The following TMEM132B variants were observed in gnomAD, a reference collection of about 807,000 sequenced individuals.
The protein encoded by TMEM132B is transmembrane protein 132B.
In TMEM132B, 18 loss-of-function variants were observed where a neutral mutation model predicts 90.8. The ratio of observed to expected loss-of-function variants is 0.20; its 90% confidence interval spans 0.14 to 0.29. The LOEUF is 0.29. TMEM132B is among the 10% of genes least tolerant of loss of function. The pLI, the probability that TMEM132B is intolerant of heterozygous loss-of-function variation, is 1.00. For synonymous variants in TMEM132B, 504 were observed against 523.3 expected, an observed-to-expected ratio of 0.96 and a Z score of 0.50; for missense variants, 1,096 against 1,326.8, an observed-to-expected ratio of 0.83 and a Z score of 2.70.
chr12:125,290,859 A>G (rs1045589825), intron 1 of TMEM132B, among the ~76,000 whole-genome samples: 1 of 152,208 alleles, frequency 6.6e-6, no homozygotes, highest in Non-Finnish European at 1.5e-5. Context: ...TATGGTAGAC[A>G]GAATTGAAGG....
intron 3 of TMEM132B, among the ~76,000 whole-genome samples, chr12:125,469,016 C>T (rs1881643752): frequency 6.6e-6 from 1 of 152,174 alleles, no homozygotes; most frequent in Admixed American, 6.5e-5. Flanking sequence ...AATCATATTA[C>T]CTGTGAACAG....
At chr12:125,611,781 T>C (rs1382275477) in intron 5 of TMEM132B, among the ~76,000 whole-genome samples, 1 of 152,180 alleles carries the variant, frequency 6.6e-6, no homozygotes, top group East Asian at 1.9e-4. Context: ...ATTGGTATGA[T>C]TTTAACTTAT....
At chr12:125,508,658 T>C (rs1256234512) in intron 3 of TMEM132B, among the ~76,000 whole-genome samples, 1 of 152,152 alleles carries the variant, frequency 6.6e-6, no homozygotes, top group African/African-American at 2.4e-5. Context: ...CCCCACTTAA[T>C]GAGGCCCTTC....
intron 2 of TMEM132B, among the ~76,000 whole-genome samples, chr12:125,359,894 A>G (rs1469319917): frequency 1.3e-5 from 2 of 152,206 alleles, no homozygotes; most frequent in Non-Finnish European, 2.9e-5. Context: ...CCTGGCCAAC[A>G]TGGTGAAACC....
At chr12:125,391,389 A>T (rs1119207) in intron 2 of TMEM132B, among the ~76,000 whole-genome samples, 3 of 152,224 alleles carry the variant, frequency 2.0e-5, no homozygotes, top group Non-Finnish European at 4.4e-5. Flanking sequence ...GTTAGTTGCC[A>T]GCTTTCCATA....
At position 125,213,865 on chromosome 12, in the gene TMEM132B, GC is replaced by G. The variant is rs1873376426; in HGVS notation, c.67+27001del. ...TTACAAAAATGGCAGATGCTAGGTT[GC>G]CACCAAATCTGTCTTTAGGATAACT... On this transcript the variant is annotated intron_variant, in intron 1 of 8. Transcript: ENST00000682704. The surrounding 1 kb of genome is among the most constrained non-coding windows in gnomAD (Gnocchi z 4.2). Among the ~76,000 whole-genome samples, 1 of 152,232 alleles carries G rather than the reference GC, an allele frequency of 6.6e-6. No homozygotes were observed. The highest frequency in any genetic ancestry group is 6.5e-5 in the Admixed American group (1 of 15,286).
At chr12:125,260,959 A>G (rs1292061912) in intron 1 of TMEM132B, among the ~76,000 whole-genome samples, 1 of 145,262 alleles carries the variant, frequency 6.9e-6, no homozygotes, top group Non-Finnish European at 1.5e-5. Context: ...TGATTAATAC[A>G]AAATAATTTC....
intron 1 of TMEM132B, among the ~76,000 whole-genome samples, chr12:125,233,555 C>G (rs1477864920): frequency 1.3e-5 from 2 of 152,200 alleles, no homozygotes; most frequent in Non-Finnish European, 2.9e-5. Context: ...TCAATGGCCA[C>G]GCTTAGCTGC....
chr12:125,568,776 TTGAG>T (rs1884721843), intron 4 of TMEM132B, among the ~76,000 whole-genome samples: 1 of 152,210 alleles, frequency 6.6e-6, no homozygotes, highest in Non-Finnish European at 1.5e-5. Context: ...TGGTCATGAT[TTGAG>T]TGACCACATT....
intron 1 of TMEM132B, among the ~76,000 whole-genome samples, chr12:125,300,106 C>T (rs565106694): frequency 3.3e-5 from 5 of 152,356 alleles, no homozygotes; most frequent in South Asian, 4.1e-4. Flanking sequence ...TACCTCCAGG[C>T]CTGCTCTCTC....
intron 1 of TMEM132B, among the ~76,000 whole-genome samples, chr12:125,303,522 G>T (rs1178613520): frequency 5.3e-5 from 8 of 152,150 alleles, no homozygotes; most frequent in Admixed American, 4.6e-4. Flanking sequence ...TTGCTGGATC[G>T]TATGGTAATT....
At chr12:125,238,635 G>A (rs1374726315) in intron 1 of TMEM132B, among the ~76,000 whole-genome samples, 2 of 152,210 alleles carry the variant, frequency 1.3e-5, no homozygotes, top group South Asian at 4.1e-4. Flanking sequence ...GGAAAGCTCC[G>A]AAGGCCAGAG....
At chr12:125,376,677 A>G (rs1593112120) in intron 2 of TMEM132B, among the ~76,000 whole-genome samples, 1 of 152,286 alleles carries the variant, frequency 6.6e-6, no homozygotes, top group East Asian at 1.9e-4. Context: ...TCCCAGGTTG[A>G]GGGAGGGGTA....
At chr12:125,568,847 T>C (rs573121838) in intron 4 of TMEM132B, among the ~76,000 whole-genome samples, 59 of 152,240 alleles carry the variant, frequency 3.9e-4, no homozygotes, top group Non-Finnish European at 7.1e-4. Flanking sequence ...CAAAATTTAC[T>C]ATGACGTGGT....
chr12:125,372,023 T>A (rs1299384933), intron 2 of TMEM132B, among the ~76,000 whole-genome samples: 1 of 152,230 alleles, frequency 6.6e-6, no homozygotes, highest in Middle Eastern at 3.2e-3. Flanking sequence ...GCAAATGCAT[T>A]GTGCCAACTG....
intron 2 of TMEM132B, among the ~76,000 whole-genome samples, chr12:125,379,204 C>A (rs1326372621): frequency 6.6e-6 from 1 of 152,140 alleles, no homozygotes; most frequent in East Asian, 1.9e-4. Context: ...TGTTACATGG[C>A]AAGGGGGAAT....
chr12:125,282,342 A>G (rs1172526617), intron 1 of TMEM132B, among the ~76,000 whole-genome samples: 4 of 152,036 alleles, frequency 2.6e-5, no homozygotes, highest in Admixed American at 2.6e-4. Flanking sequence ...CTCACTCCTC[A>G]GCTCATCCAG....
intron 3 of TMEM132B, among the ~76,000 whole-genome samples, chr12:125,477,526 TA>T (rs1357648379): frequency 2.2e-5 from 3 of 138,616 alleles, no homozygotes; most frequent in Admixed American, 7.4e-5. Context: ...CCCAAGAACC[TA>T]AATTTTTTTT....
intron 6 of TMEM132B, among the ~76,000 whole-genome samples, chr12:125,648,715 C>T (rs1196717704): frequency 6.6e-6 from 1 of 152,080 alleles, no homozygotes; most frequent in East Asian, 1.9e-4. Context: ...ATGATACTGC[C>T]ACATTTTAGT....
Sources: gnomAD v4.1 joint callset for allele counts (sites outside exome capture counted in the v4.1 genomes callset) on GRCh38, gnomAD v4.1.1 for gene constraint, Gnocchi (gnomAD v3.1) non-coding constraint, MANE v1.5 for transcripts, NCBI Gene and HGNC (gene_info 2026-07-23, HGNC 2026-07-21) for gene names.